Variants in NCOA3 observed in about 807,000 individuals in gnomAD.
NCOA3 encodes the protein CBP-interacting protein.
Under a neutral mutation model 158.8 loss-of-function variants are expected in NCOA3, and 51 were observed. That is an observed-to-expected ratio of 0.32 (90% CI 0.26 to 0.41). The LOEUF is 0.41. Among genes scored for constraint, NCOA3 ranks in the 10% least tolerant of loss-of-function variants. NCOA3 has a pLI of 1.00. For synonymous variants in NCOA3, 537 were observed against 592.4 expected (o/e 0.91, Z 1.36); for missense variants, 1,510 against 1,746.6 (o/e 0.86, Z 2.41).
At chr20:47,515,463 T>C (rs944041386) in intron 1 of NCOA3, among the ~76,000 whole-genome samples, 1 of 149,924 alleles carries the variant, frequency 6.7e-6, no homozygotes, top group Non-Finnish European at 1.5e-5. Context: ...CCGAGCTTTT[T>C]CTTTCTTTCT....
At chr20:47,535,790 G>T (rs775224611) in intron 1 of NCOA3, among the ~76,000 whole-genome samples, 1 of 152,076 alleles carries the variant, frequency 6.6e-6, no homozygotes, top group Non-Finnish European at 1.5e-5. Flanking sequence ...ACAGGTATGA[G>T]CCACTGCGCC....
intron 20 of NCOA3, among the ~76,000 whole-genome samples, chr20:47,651,816 C>A (rs1040248187): frequency 2.4e-4 from 37 of 151,966 alleles, no homozygotes; most frequent in African/African-American, 8.7e-4. Context: ...GTGCATTCCA[C>A]CACCCCCGGC....
chr20:47,549,672 T>G (rs530243044), intron 1 of NCOA3, among the ~76,000 whole-genome samples: 2 of 152,162 alleles, frequency 1.3e-5, no homozygotes, highest in South Asian at 4.1e-4. Flanking sequence ...GTTTGCAGAT[T>G]CACAAACCTT....
At chr20:47,642,173 A>G (rs2086622297) in intron 16 of NCOA3, 40 bp from the exon 17 acceptor site, 1 of 1,486,800 alleles carries the variant, frequency 6.7e-7, no homozygotes, top group African/African-American at 1.4e-5. Context: ...CTTAGAAAAA[A>G]AAAAAGCACC....
intron 1 of NCOA3, among the ~76,000 whole-genome samples, chr20:47,558,055 C>T (rs972930499): frequency 1.9e-4 from 27 of 142,364 alleles, no homozygotes; most frequent in African/African-American, 7.1e-4. Flanking sequence ...GTCTAAATTT[C>T]TTTCTTTTTT....
chr20:47,592,162 C>T (rs1189944023), intron 2 of NCOA3, among the ~76,000 whole-genome samples: 1 of 152,132 alleles, frequency 6.6e-6, no homozygotes, highest in Non-Finnish European at 1.5e-5. Context: ...CCTGCCTCAG[C>T]TCCTGAGTAG....
intron 1 of NCOA3, among the ~76,000 whole-genome samples, chr20:47,567,486 C>A (rs578074062): frequency 6.6e-6 from 1 of 151,934 alleles, no homozygotes; most frequent in Non-Finnish European, 1.5e-5. Context: ...CACTCAACCT[C>A]GAACTCCTGG....
intron 16 of NCOA3, 23 bp downstream of exon 16, chr20:47,640,074 T>C (rs1196605419): frequency 6.2e-7 from 1 of 1,613,916 alleles, no homozygotes; most frequent in Non-Finnish European, 8.5e-7. Flanking sequence ...TTTGTGACTC[T>C]GTAGAAAATC....
chr20:47,534,947 G>T lies in NCOA3; in HGVS notation c.-99+32928G>T, dbSNP rs1341293093. ...TTTTTTTCTTAATTTATAAAAAAAGGTGTTTGGATAGTTATTTTCCTTATA... is the reference window on the plus strand; with the variant it reads ...TTTTTTTCTTAATTTATAAAAAAAGTTGTTTGGATAGTTATTTTCCTTATA... On this transcript the variant is annotated intron_variant, in intron 1 of 22. Coordinates refer to ENST00000371998, the MANE Select transcript of NCOA3 (RefSeq NM_181659.3). 2.0e-5 allele frequency among the ~76,000 whole-genome samples: 3 copies of T among 151,878 alleles called. No individual in the cohort carries two copies. In the East Asian group the frequency reaches 5.8e-4, roughly 29 times the overall value.
At chr20:47,588,679 C>T (rs759673850) in intron 2 of NCOA3, among the ~76,000 whole-genome samples, 1 of 151,824 alleles carries the variant, frequency 6.6e-6, no homozygotes, top group African/African-American at 2.4e-5. Flanking sequence ...TAAATGTTTT[C>T]TGTCTTATCC....
chr20:47,611,836 C>A (rs1276444371), intron 2 of NCOA3, among the ~76,000 whole-genome samples: 3 of 151,886 alleles, frequency 2.0e-5, no homozygotes, highest in Non-Finnish European at 2.9e-5. Flanking sequence ...TCCTTCTGCC[C>A]CTCCAGACCA....
At chr20:47,523,582 T>C (rs905572589) in intron 1 of NCOA3, among the ~76,000 whole-genome samples, 1 of 152,206 alleles carries the variant, frequency 6.6e-6, no homozygotes, top group Non-Finnish European at 1.5e-5. Context: ...AGAGGGGTTG[T>C]AGCCACTTGG....
chr20:47,639,511 C>G, intron 14 of NCOA3, 66 bp from the exon 15 acceptor site: 2 of 1,577,876 alleles, frequency 1.3e-6, no homozygotes, highest in Non-Finnish European at 1.7e-6. Context: ...AATGGCTGTA[C>G]TTACATGGTA....
chr20:47,595,488 T>G (rs1410583222), intron 2 of NCOA3, among the ~76,000 whole-genome samples: 1 of 152,200 alleles, frequency 6.6e-6, no homozygotes, highest in Non-Finnish European at 1.5e-5. Context: ...AGGACCGTGA[T>G]TTATAACTGG....
intron 1 of NCOA3, among the ~76,000 whole-genome samples, chr20:47,503,205 C>T (rs1209373709): frequency 1.3e-5 from 2 of 152,010 alleles, no homozygotes; most frequent in African/African-American, 2.4e-5. Flanking sequence ...CTAACTGATC[C>T]CTGGCTGCAA....
chr20:47,645,369 A>G (rs2086670902), intron 17 of NCOA3, among the ~76,000 whole-genome samples: 3 of 151,842 alleles, frequency 2.0e-5, no homozygotes, highest in Non-Finnish European at 2.9e-5. Flanking sequence ...CTGATCCCCT[A>G]CCACCCTCAC....
intron 8 of NCOA3, chr20:47,631,279 A>C (rs552664006): frequency 6.6e-6 from 1 of 152,380 alleles, no homozygotes; most frequent in East Asian, 1.9e-4. Context: ...TGAGGCCATC[A>C]GATGCAGTTT....
At chr20:47,621,058 A>C (rs572312617) in intron 2 of NCOA3, among the ~76,000 whole-genome samples, 2 of 152,248 alleles carry the variant, frequency 1.3e-5, no homozygotes, top group East Asian at 3.9e-4. Flanking sequence ...CTTCATTTAA[A>C]CTTGTCATGG....
At position 47,647,658 on chromosome 20, in the gene NCOA3, G is replaced by GA. The variant is rs928094121; in HGVS notation, c.3546+299dup. ...CTTAAAGGTAGATAAGGTTTTTTTT[G>GA]AAAAAAATCCTTACTGCTAATAACC... is the stretch of plus-strand genomic sequence containing the variant. On this transcript the variant is annotated intron_variant, in intron 18 of 22. Coordinates refer to ENST00000371998, the MANE Select transcript of NCOA3 (RefSeq NM_181659.3). 1.9e-4 allele frequency among the ~76,000 whole-genome samples: 28 copies of GA among 151,342 alleles called. 1 individual carries two copies. The highest frequency in any genetic ancestry group is 6.3e-4 in the African/African-American group (26 of 41,218).
Sources: allele counts gnomAD v4.1 joint callset (sites outside exome capture counted in the v4.1 genomes callset), GRCh38; gene constraint gnomAD v4.1.1; transcripts MANE v1.5; gene names NCBI Gene and HGNC (gene_info 2026-07-23, HGNC 2026-07-21).